Variants in KCNIP4 observed in about 807,000 individuals in gnomAD.
KCNIP4 encodes Kv channel-interacting protein 4.
KCNIP4 carries 12 observed loss-of-function variants against 34.0 expected under a neutral mutation model. That is an observed-to-expected ratio of 0.35 (90% CI 0.23 to 0.57). KCNIP4 has a LOEUF of 0.57. KCNIP4 is among the 20% of genes least tolerant of loss of function. The pLI is 0.83. For synonymous variants in KCNIP4, 124 were observed against 102.2 expected, an observed-to-expected ratio of 1.21 and a Z score of -1.29; for missense variants, 238 against 311.7, an observed-to-expected ratio of 0.76 and a Z score of 1.78.
rs575645183 is a variant in KCNIP4 at position 21,431,171 on chromosome 4, A to T, written c.61+517400T>A. On this transcript the variant is annotated intron_variant, in intron 1 of 8. Transcript: ENST00000382152. Reference sequence around the variant, plus strand: ...AAGGGCAAGGATATCCAATAAATTTAAAAAAAAAGGAAAAGTAAGGAATAT... The same window carrying T: ...AAGGGCAAGGATATCCAATAAATTTTAAAAAAAAGGAAAAGTAAGGAATAT... Among the ~76,000 whole-genome samples, 342 of 151,210 alleles carry T rather than the reference A, an allele frequency of 2.3e-3. 3 individuals are homozygous for T. Among genetic ancestry groups the T allele is most frequent in the African/African-American group, 6.1e-3 (251 of 41,260 alleles).
rs1722793193 is a variant in KCNIP4 at position 21,394,277 on chromosome 4, A to G, written c.62-511568T>C. The stretch of plus-strand genomic sequence containing the variant: ...AATTCAGTGCTCCTTCAGAGGCCAC[A>G]GTATCTACTATCCTGGCAATCTTTA... On this transcript the variant is annotated intron_variant, in intron 1 of 8. Coordinates refer to ENST00000382152, the MANE Select transcript of KCNIP4 (RefSeq NM_025221.6). Among the ~76,000 whole-genome samples the G allele has an allele frequency of 2.0e-5, 3 of 152,278 alleles. No individual in the cohort carries two copies. The South Asian group carries it at 6.2e-4, about 32-fold the overall frequency.
At chr4:20,991,419 G>A (rs751138914) in intron 1 of KCNIP4, among the ~76,000 whole-genome samples, 10 of 152,026 alleles carry the variant, frequency 6.6e-5, no homozygotes. Context: ...ATGAAGGGAA[G>A]GGAGAAGAGA....
intron 1 of KCNIP4, among the ~76,000 whole-genome samples, chr4:21,773,726 AC>A (rs1718961261): frequency 1.6e-5 from 2 of 121,614 alleles, no homozygotes; most frequent in African/African-American, 3.4e-5. Context: ...TAGCATTGCA[AC>A]CCCTGTTTTT....
chr4:21,303,789 T>G (rs1369615715), intron 1 of KCNIP4: 1 of 1,603,248 alleles, frequency 6.2e-7, no homozygotes, highest in African/African-American at 1.3e-5. Context: ...TAGAAGTCAC[T>G]AAAAAGCACT....
At chr4:21,370,923 G>T (rs1487809152) in intron 1 of KCNIP4, among the ~76,000 whole-genome samples, 4 of 112,288 alleles carry the variant, frequency 3.6e-5, no homozygotes, top group Non-Finnish European at 5.1e-5. Flanking sequence ...CATAGAAAAA[G>T]AAACTAGCAA....
chr4:21,250,832 T>G (rs1440546332), intron 1 of KCNIP4, among the ~76,000 whole-genome samples: 1 of 151,432 alleles, frequency 6.6e-6, no homozygotes, highest in African/African-American at 2.4e-5. Context: ...TCAGAAAAAG[T>G]AGCAATATAT....
At chr4:21,634,063 T>C (rs1745944980) in intron 1 of KCNIP4, among the ~76,000 whole-genome samples, 1 of 151,912 alleles carries the variant, frequency 6.6e-6, no homozygotes, top group African/African-American at 2.4e-5. Flanking sequence ...ACTACAAAAA[T>C]AGATTCATTT....
At chr4:21,424,165 T>G (rs1207507944) in intron 1 of KCNIP4, among the ~76,000 whole-genome samples, 1 of 151,840 alleles carries the variant, frequency 6.6e-6, no homozygotes, top group Non-Finnish European at 1.5e-5. Flanking sequence ...CAAGACTTGA[T>G]GGAGGATGGG....
At chr4:20,863,774 A>G (rs180763402) in intron 2 of KCNIP4, among the ~76,000 whole-genome samples, 1 of 152,078 alleles carries the variant, frequency 6.6e-6, no homozygotes, top group Admixed American at 6.6e-5. Context: ...TCGACCAGAC[A>G]AAATAATCTG....
intron 1 of KCNIP4, among the ~76,000 whole-genome samples, chr4:21,928,127 T>TATATACACACACAC (rs141651426): frequency 6.9e-6 from 1 of 143,920 alleles, no homozygotes; most frequent in Non-Finnish European, 1.5e-5. Flanking sequence ...TATATATATA[T>TATATACACACACAC]ACACACACAC....
At chr4:21,616,151 A>C (rs1324706504) in intron 1 of KCNIP4, among the ~76,000 whole-genome samples, 7 of 152,130 alleles carry the variant, frequency 4.6e-5, no homozygotes, top group Non-Finnish European at 1.0e-4. Flanking sequence ...TTGCATCTTC[A>C]TCATGCTCCA....
At chr4:21,644,993 A>G (rs1746908330) in intron 1 of KCNIP4, among the ~76,000 whole-genome samples, 1 of 152,162 alleles carries the variant, frequency 6.6e-6, no homozygotes, top group Non-Finnish European at 1.5e-5. Flanking sequence ...AGGGTACCAG[A>G]GATAACTCTT....
intron 1 of KCNIP4, among the ~76,000 whole-genome samples, chr4:21,320,616 A>G (rs1714272272): frequency 6.6e-6 from 1 of 152,136 alleles, no homozygotes; most frequent in Non-Finnish European, 1.5e-5. Flanking sequence ...AGGATTTGCA[A>G]TTACCCTGTG....
At chr4:21,229,462 G>A (rs934701784) in intron 1 of KCNIP4, among the ~76,000 whole-genome samples, 1 of 152,200 alleles carries the variant, frequency 6.6e-6, no homozygotes, top group African/African-American at 2.4e-5. Flanking sequence ...GTCTCACACA[G>A]TGCCCTGTTA....
intron 1 of KCNIP4, among the ~76,000 whole-genome samples, chr4:21,639,653 G>A (rs1016413249): frequency 8.5e-5 from 13 of 152,080 alleles, no homozygotes; most frequent in Admixed American, 1.3e-4. Flanking sequence ...TAAAAACTGA[G>A]AATTGAAAAC....
At chr4:21,771,333 G>T (rs1056896979) in intron 1 of KCNIP4, among the ~76,000 whole-genome samples, 4 of 152,118 alleles carry the variant, frequency 2.6e-5, no homozygotes, top group Non-Finnish European at 5.9e-5. Flanking sequence ...ATGCTATTTT[G>T]GTTACTGTAG....
At chr4:21,214,635 T>A (rs952749069) in intron 1 of KCNIP4, among the ~76,000 whole-genome samples, 1 of 152,144 alleles carries the variant, frequency 6.6e-6, no homozygotes, top group African/African-American at 2.4e-5. Flanking sequence ...GCCTTACCAT[T>A]GAATACAATC....
intron 1 of KCNIP4, among the ~76,000 whole-genome samples, chr4:21,176,167 C>A (rs1431639085): frequency 6.6e-6 from 1 of 152,198 alleles, no homozygotes; most frequent in Non-Finnish European, 1.5e-5. Context: ...TTAAGTTGGG[C>A]TTTAAGACCA....
At chr4:20,936,654 T>C (rs1232433991) in intron 1 of KCNIP4, among the ~76,000 whole-genome samples, 5 of 152,138 alleles carry the variant, frequency 3.3e-5, no homozygotes, top group Non-Finnish European at 5.9e-5. Context: ...CTATGAGTCT[T>C]CACTCATCCC....
Sources: gnomAD v4.1 joint callset for allele counts (sites outside exome capture counted in the v4.1 genomes callset) on GRCh38, gnomAD v4.1.1 for gene constraint, MANE v1.5 for transcripts, NCBI Gene and HGNC (gene_info 2026-07-23, HGNC 2026-07-21) for gene names.